The following ATAD2B variants were observed in gnomAD, a reference collection of about 807,000 sequenced individuals.
ATAD2B encodes ATPase family AAA domain containing 2B, also known as ATPase family AAA domain-containing protein 2B.
A neutral mutation model predicts 167.6 loss-of-function variants in ATAD2B; 40 were observed. The observed-to-expected ratio is 0.24, with a 90% confidence interval of 0.19 to 0.31. The LOEUF (loss-of-function observed/expected upper bound fraction) is 0.31, where lower values mean the gene tolerates loss of function less well. ATAD2B is among the 10% of genes least tolerant of loss of function. The pLI, the probability that ATAD2B is intolerant of heterozygous loss-of-function variation, is 1.00. For missense variants in ATAD2B, 1,242 were observed against 1,757.2 expected (o/e 0.71, Z 5.24); for synonymous variants, 579 against 596.5 (o/e 0.97, Z 0.43).
chr2:23,684,721 C>T, the ATAD2B span, among the ~76,000 whole-genome samples: 1 of 152,138 alleles, frequency 6.6e-6, no homozygotes, highest in African/African-American at 2.4e-5. The surrounding 1 kb of genome is among the most constrained non-coding windows in gnomAD (Gnocchi z 4.4). Context: ...TCAGAGCAGC[C>T]ACTGCGCCCA....
intron 7 of ATAD2B, among the ~76,000 whole-genome samples, chr2:23,877,841 G>C (rs1697145563): frequency 6.7e-6 from 1 of 149,976 alleles, no homozygotes; most frequent in Non-Finnish European, 1.5e-5. Context: ...CTGGGTGACA[G>C]AATGAGACTA....
chr2:23,680,647 G>C, the ATAD2B span, among the ~76,000 whole-genome samples: 2 of 150,088 alleles, frequency 1.3e-5, no homozygotes, highest in Admixed American at 6.6e-5. The surrounding 1 kb of genome is among the most constrained non-coding windows in gnomAD (Gnocchi z 4.1). Context: ...TTCTCCTGGG[G>C]TCTCTAGGCC....
At chr2:23,841,717 T>C (rs1042674410) in intron 13 of ATAD2B, among the ~76,000 whole-genome samples, 2 of 152,104 alleles carry the variant, frequency 1.3e-5, no homozygotes, top group African/African-American at 4.8e-5. Flanking sequence ...CATCTAGTTA[T>C]GTTGCCCAGG....
At chr2:23,849,111 G>T (rs1338399154) in intron 13 of ATAD2B, among the ~76,000 whole-genome samples, 5 of 151,948 alleles carry the variant, frequency 3.3e-5, no homozygotes, top group Admixed American at 1.3e-4. Flanking sequence ...GAAATGAAAT[G>T]ATCCCCAATT....
chr2:23,706,492 T>A, the ATAD2B span: 1 of 1,530,022 alleles, frequency 6.5e-7, no homozygotes, highest in Non-Finnish European at 8.7e-7. Flanking sequence ...GCTGTGGTGC[T>A]TGATGGCAAG....
intron 13 of ATAD2B, among the ~76,000 whole-genome samples, chr2:23,840,377 A>G: frequency 6.6e-6 from 1 of 152,196 alleles, no homozygotes; most frequent in Admixed American, 6.5e-5. Flanking sequence ...GAGGCTCGTC[A>G]GTTTTTTCAA....
rs534918496 is a variant in ATAD2B, at chr2:23,768,860, A to G, written c.3134-3232T>C. ...GTACTTCGTTATTTGTTAGTGCTGA[A>G]TACTAATCCATTATATGGGTATAAC... On this transcript the variant is annotated intron_variant, in intron 22 of 27. Coordinates refer to ENST00000238789, the MANE Select transcript of ATAD2B (RefSeq NM_017552.4). Among the ~76,000 whole-genome samples, 6 of 152,362 alleles carry G rather than the reference A, an allele frequency of 3.9e-5. No individual in the cohort carries two copies. The South Asian group carries it at 1.2e-3, about 32-fold the overall frequency.
the ATAD2B span, among the ~76,000 whole-genome samples, chr2:23,705,906 C>G: frequency 6.6e-6 from 1 of 152,134 alleles, no homozygotes; most frequent in Non-Finnish European, 1.5e-5. Context: ...CAGGAGCAAG[C>G]CAGTGAGTGT....
At chr2:23,691,132 CAA>C in the ATAD2B span, 2 of 155,770 alleles carry the variant, frequency 1.3e-5, no homozygotes, top group African/African-American at 4.8e-5. Flanking sequence ...TAAAAGGAAA[CAA>C]TATGTTTTTG....
the ATAD2B span, chr2:23,684,367 A>T: frequency 7.2e-7 from 1 of 1,386,822 alleles, no homozygotes; most frequent in Non-Finnish European, 9.4e-7. The surrounding 1 kb of genome is among the most constrained non-coding windows in gnomAD (Gnocchi z 4.4). Flanking sequence ...CTTAATGGGA[A>T]CCTGGCCCTG....
chr2:23,810,620 A>G, intron 17 of ATAD2B, 118 bp from the exon 18 acceptor site: 1 of 778,844 alleles, frequency 1.3e-6, no homozygotes, highest in Non-Finnish European at 2.0e-6. Context: ...GAACTTTCCT[A>G]TATTATTTTA....
At chr2:23,699,357 C>T in the ATAD2B span, among the ~76,000 whole-genome samples, 4 of 152,310 alleles carry the variant, frequency 2.6e-5, no homozygotes, top group Non-Finnish European at 4.4e-5. Flanking sequence ...AGGCACTCAC[C>T]GAACAGTGAG....
intron 17 of ATAD2B, among the ~76,000 whole-genome samples, chr2:23,818,658 CT>C: frequency 6.6e-6 from 1 of 152,276 alleles, no homozygotes; most frequent in East Asian, 1.9e-4. Context: ...AAGTTGGAGA[CT>C]TAAATTTGTT....
At chr2:23,742,254 T>C in the ATAD2B span, among the ~76,000 whole-genome samples, 2 of 152,238 alleles carry the variant, frequency 1.3e-5, no homozygotes, top group East Asian at 1.9e-4. Flanking sequence ...CACATGCACA[T>C]GTATGTTTAC....
chr2:23,745,419 A>AGGAAGGAAGGAAGGAT (rs1674807839), downstream of ATAD2B, among the ~76,000 whole-genome samples: 1 of 128,146 alleles, frequency 7.8e-6, no homozygotes, highest in African/African-American at 3.3e-5. Context: ...GAAGGAAGGA[A>AGGAAGGAAGGAAGGAT]GGAAAGGGAA....
intron 19 of ATAD2B, among the ~76,000 whole-genome samples, chr2:23,792,853 TC>T (rs1681977450): frequency 6.8e-6 from 1 of 147,906 alleles, no homozygotes; most frequent in Non-Finnish European, 1.5e-5. Context: ...TCCCAGCTAC[TC>T]CAGGAGGCTT....
intron 22 of ATAD2B, among the ~76,000 whole-genome samples, chr2:23,767,662 AC>A (rs1677643352): frequency 6.6e-6 from 1 of 152,212 alleles, no homozygotes; most frequent in South Asian, 2.1e-4. Context: ...CAAGAATAAC[AC>A]CAGGGAGCAT....
At chr2:23,808,068 A>AATATATAATTAATTATATATATAATTAT (rs1684830240) in intron 18 of ATAD2B, among the ~76,000 whole-genome samples, 2 of 60,918 alleles carry the variant, frequency 3.3e-5, no homozygotes, top group South Asian at 4.7e-4. Context: ...TATAAATTAT[A>AATATATAATTAATTATATATATAATTAT]ATATATAAGT....
intron 19 of ATAD2B, among the ~76,000 whole-genome samples, chr2:23,797,555 A>G (rs879058380): frequency 1.6e-4 from 25 of 152,148 alleles, no homozygotes; most frequent in Admixed American, 9.2e-4. Context: ...TTTCTTAGAA[A>G]GCTGAGTATC....
Sources: gnomAD v4.1 joint callset for allele counts (sites outside exome capture counted in the v4.1 genomes callset) on GRCh38, gnomAD v4.1.1 for gene constraint, Gnocchi (gnomAD v3.1) non-coding constraint, MANE v1.5 for transcripts, NCBI Gene and HGNC (gene_info 2026-07-23, HGNC 2026-07-21) for gene names.